The following RBFOX1 variants were observed in gnomAD, a reference collection of about 807,000 sequenced individuals.
RBFOX1 encodes RNA binding protein fox-1 homolog 1.
A neutral mutation model predicts 57.7 loss-of-function variants in RBFOX1; 8 were observed. The observed-to-expected ratio is 0.14, with a 90% CI of 0.08 to 0.25. RBFOX1 has a LOEUF of 0.25. RBFOX1 is among the 10% of genes least tolerant of loss of function. RBFOX1 has a pLI of 1.00. For missense variants in RBFOX1, 611 were observed against 548.5 expected (o/e 1.11, Z -1.14); for synonymous variants, 326 against 222.4 (o/e 1.47, Z -4.15).
At chr16:7,161,639 T>G (rs911689369) in intron 4 of RBFOX1, among the ~76,000 whole-genome samples, 7 of 152,154 alleles carry the variant, frequency 4.6e-5, no homozygotes, top group African/African-American at 1.7e-4. Flanking sequence ...GAGCTTTCTA[T>G]GGAGGTAAGG....
At chr16:7,574,006 A>G (rs1280918324) in intron 5 of RBFOX1, among the ~76,000 whole-genome samples, 1 of 151,940 alleles carries the variant, frequency 6.6e-6, no homozygotes, top group Non-Finnish European at 1.5e-5. Context: ...GCTTTTTCAC[A>G]TTTTCTTTTC....
At chr16:6,885,152 T>G (rs2063728661) in intron 3 of RBFOX1, among the ~76,000 whole-genome samples, 1 of 152,128 alleles carries the variant, frequency 6.6e-6, no homozygotes, top group Admixed American at 6.6e-5. Context: ...CTGGACCGCC[T>G]CCTCCTTCCC....
chr16:5,506,140 G>C (rs371169128), intron 2 of RBFOX1, among the ~76,000 whole-genome samples: 1 of 152,246 alleles, frequency 6.6e-6, no homozygotes, highest in East Asian at 1.9e-4. Flanking sequence ...TGCCAAGCTT[G>C]CTTTGAAATC....
intron 4 of RBFOX1, among the ~76,000 whole-genome samples, chr16:7,064,787 G>GA: frequency 6.6e-6 from 1 of 152,220 alleles, no homozygotes; most frequent in African/African-American, 2.4e-5. Context: ...AAAGCCCCCC[G>GA]AACTTGATAG....
intron 4 of RBFOX1, among the ~76,000 whole-genome samples, chr16:7,471,824 C>T (rs1384634256): frequency 6.6e-6 from 1 of 152,198 alleles, no homozygotes; most frequent in East Asian, 1.9e-4. Context: ...AGCTCCAGGG[C>T]CTGACCCACA....
chr16:5,994,232 G>T (rs1343883252), intron 4 of RBFOX1, among the ~76,000 whole-genome samples: 6 of 152,200 alleles, frequency 3.9e-5, no homozygotes, highest in Non-Finnish European at 8.8e-5. Flanking sequence ...TGCAATCTTG[G>T]CTCACTGCAA....
At chr16:5,417,964 C>T (rs1424726702) in intron 1 of RBFOX1, among the ~76,000 whole-genome samples, 2 of 152,046 alleles carry the variant, frequency 1.3e-5, no homozygotes, top group African/African-American at 2.4e-5. Flanking sequence ...GCCTGTAATC[C>T]CAGCTGCTGA....
rs368096576 is a variant in RBFOX1, at chr16:5,956,678, A to ATATTT, written c.351+89344_351+89345insATTTT. Among the ~76,000 whole-genome samples, 237 of 116,466 alleles carry ATATTT rather than the reference A, an allele frequency of 2.0e-3. 2 individuals carry two copies. Among genetic ancestry groups the ATATTT allele is most frequent in the African/African-American group, 7.6e-3 (220 of 28,920 alleles). The allele number at this position is 116,466 out of a possible 152,430, so 76.4% of individuals were successfully genotyped here. A position where few individuals can be genotyped will look rare whatever the true frequency, so the allele number is the denominator to read the frequency against. On this transcript the variant is annotated intron_variant, in intron 4 of 19. Transcript: ENST00000641259. ...TATATTTATATATATATATATATAT[A>ATATTT]TTTTTTTTGAGGCACAGTCTCATCC...
At chr16:6,588,282 A>AT (rs1347263062) in intron 2 of RBFOX1, among the ~76,000 whole-genome samples, 1 of 151,940 alleles carries the variant, frequency 6.6e-6, no homozygotes, top group East Asian at 1.9e-4. Context: ...AACAATTCTT[A>AT]TTTTTTTAAT....
chr16:7,578,988 G>A (rs1449967873), intron 5 of RBFOX1, among the ~76,000 whole-genome samples: 1 of 152,172 alleles, frequency 6.6e-6, no homozygotes, highest in African/African-American at 2.4e-5. Flanking sequence ...CATGGTCTAG[G>A]CAAACAGAGC....
At chr16:5,821,254 T>C (rs2055844096) in intron 3 of RBFOX1, among the ~76,000 whole-genome samples, 1 of 151,532 alleles carries the variant, frequency 6.6e-6, no homozygotes, top group African/African-American at 2.4e-5. Flanking sequence ...TCCATCCCAG[T>C]TGGGGCGGGG....
chr16:7,626,452 G>A (rs373180482), intron 10 of RBFOX1, among the ~76,000 whole-genome samples: 17 of 152,290 alleles, frequency 1.1e-4, no homozygotes, highest in African/African-American at 3.6e-4. Context: ...CCAGGTTGTG[G>A]GGATGCCGAT....
chr16:6,846,285 C>T (rs771385084), intron 3 of RBFOX1, among the ~76,000 whole-genome samples: 1 of 152,056 alleles, frequency 6.6e-6, no homozygotes, highest in Non-Finnish European at 1.5e-5. Flanking sequence ...TCCCCAATTC[C>T]GTGTCATCAA....
rs57413177 is a variant in RBFOX1, at chr16:6,797,197, A to G, written c.-16+142547A>G. On this transcript the variant is annotated intron_variant, in intron 3 of 15. Coordinates refer to ENST00000550418, the MANE Select transcript of RBFOX1 (RefSeq NM_018723.4). Reference sequence around the variant, plus strand: ...TAGCAAGGATCAGTCTGAGTCGCCTATGTTTACTAAGGAATCTGTCCAAAT... The same window carrying G: ...TAGCAAGGATCAGTCTGAGTCGCCTGTGTTTACTAAGGAATCTGTCCAAAT... Among the ~76,000 whole-genome samples the G allele has an allele frequency of 2.0e-4, 31 of 152,268 alleles. No individual in the cohort carries two copies. The East Asian group carries it at 2.1e-3, about 10-fold the overall frequency.
chr16:7,172,695 G>C (rs1281899384), intron 4 of RBFOX1, among the ~76,000 whole-genome samples: 1 of 152,172 alleles, frequency 6.6e-6, no homozygotes, highest in East Asian at 1.9e-4. Flanking sequence ...AGGAGGCAGA[G>C]GGGGATCTTG....
chr16:6,693,127 A>G lies in RBFOX1; in HGVS notation c.-16+38477A>G, dbSNP rs529572466. Among the ~76,000 whole-genome samples the G allele has an allele frequency of 2.0e-4, 30 of 150,656 alleles. No homozygotes were observed. The South Asian group carries it at 6.4e-3, about 32-fold the overall frequency. On this transcript the variant is annotated intron_variant, in intron 3 of 15. Coordinates refer to ENST00000550418, the MANE Select transcript of RBFOX1 (RefSeq NM_018723.4). ...ATCCTCATCCTCCCCCACCATCACCATCATCATCACCATCATCCTCCTCCA... is the reference window on the plus strand; with the variant it reads ...ATCCTCATCCTCCCCCACCATCACCGTCATCATCACCATCATCCTCCTCCA...
At chr16:6,067,572 G>T (rs1431162003) in intron 1 of RBFOX1, among the ~76,000 whole-genome samples, 1 of 152,178 alleles carries the variant, frequency 6.6e-6, no homozygotes, top group Non-Finnish European at 1.5e-5. Flanking sequence ...TATGTTGGGA[G>T]AGAGAGATTT....
intron 11 of RBFOX1, among the ~76,000 whole-genome samples, chr16:7,651,851 T>G (rs998443927): frequency 6.6e-6 from 1 of 152,184 alleles, no homozygotes; most frequent in African/African-American, 2.4e-5. Context: ...AGAAAAGCAT[T>G]CTCTGTGGAC....
intron 1 of RBFOX1, among the ~76,000 whole-genome samples, chr16:6,252,354 G>C (rs1016847847): frequency 2.0e-5 from 3 of 152,114 alleles, no homozygotes; most frequent in Non-Finnish European, 4.4e-5. Flanking sequence ...ACCTGCATCA[G>C]ACCTTAGGAT....
Sources: gnomAD v4.1 joint callset for allele counts (sites outside exome capture counted in the v4.1 genomes callset) on GRCh38, gnomAD v4.1.1 for gene constraint, MANE v1.5 for transcripts, NCBI Gene and HGNC (gene_info 2026-07-23, HGNC 2026-07-21) for gene names.